Variants in NTN4 observed in about 807,000 individuals in gnomAD.
NTN4 encodes the protein netrin 4.
Under a neutral mutation model 73.6 loss-of-function variants are expected in NTN4, and 32 were observed. That is an observed-to-expected ratio of 0.44 (90% CI 0.33 to 0.58). The LOEUF (loss-of-function observed/expected upper bound fraction) is 0.58. Ranked by LOEUF, NTN4 falls within the 20% of genes least tolerant of loss-of-function variation. NTN4 has a pLI of 0.04. For synonymous variants in NTN4, 258 were observed against 287.5 expected (o/e 0.90, Z 1.04); for missense variants, 654 against 798.3 (o/e 0.82, Z 2.18).
chr12:95,747,523 C>G (rs1423750802), intron 2 of NTN4, among the ~76,000 whole-genome samples: 2 of 152,110 alleles, frequency 1.3e-5, no homozygotes, highest in Non-Finnish European at 2.9e-5. Flanking sequence ...AGGTTGGTCT[C>G]AAACTCCTGG....
rs201896762 is a variant in NTN4 at position 95,665,866 on chromosome 12, G to A, written c.1694C>T (p.Thr565Ile). The A allele has an allele frequency of 3.7e-6, 6 of 1,613,976 alleles. 1 individual carries two copies. In the East Asian group the frequency reaches 8.9e-5, roughly 24 times the overall value. Residue 565 changes from threonine to isoleucine, a missense_variant, in exon 9 of 10, where the codon ACA (threonine) becomes ATA (isoleucine). Thr to Ile is a moderately conservative substitution (Grantham distance 89, BLOSUM62 -1). Coordinates refer to ENST00000343702, the MANE Select transcript of NTN4 (RefSeq NM_021229.4). ...GTCCGTCCATGATTCTGGATATAAT[G>A]TTCGCTTTCCTCGGAAAATCTTCAG... Reference protein sequence around the residue: ...TKLKIFRGKRTLYPESWTDRG... With the variant: ...TKLKIFRGKRILYPESWTDRG...
intron 2 of NTN4, among the ~76,000 whole-genome samples, chr12:95,786,250 G>C (rs988688983): frequency 6.6e-6 from 1 of 152,128 alleles, no homozygotes; most frequent in African/African-American, 2.4e-5. Flanking sequence ...GTTGGGGGGA[G>C]CCTTTCAAGG....
In NTN4 at chr12:95,670,139, G is replaced by A. The variant is rs750900283; in HGVS notation, c.1518C>T (p.Cys506=). 7.0e-5 allele frequency: 111 copies of A among 1,577,812 alleles called. No homozygotes were observed. The highest frequency in any genetic ancestry group is 8.5e-5 in the Non-Finnish European group (98 of 1,156,014). Residue 506 remains cysteine, a synonymous_variant, in exon 8 of 10, where the codon TGC becomes TGT. Coordinates refer to ENST00000343702, the MANE Select transcript of NTN4 (RefSeq NM_021229.4). ...TTCCTAATGTCTGTTCCTTACATTC[G>A]CATTTACCTATGGAAAGTAAATTAA... is the stretch of plus-strand genomic sequence containing the variant. The part of the protein sequence containing the change: ...GFSALLHSGK[C]ECKEQTLGNA...
chr12:95,706,237 C>A (rs1381578605), intron 5 of NTN4, among the ~76,000 whole-genome samples: 1 of 151,984 alleles, frequency 6.6e-6, no homozygotes, highest in East Asian at 1.9e-4. Flanking sequence ...GGGCTGGTGA[C>A]CTTTTTACAT....
chr12:95,674,736 A>T (rs1220146741), intron 7 of NTN4, among the ~76,000 whole-genome samples: 1 of 152,236 alleles, frequency 6.6e-6, no homozygotes, highest in African/African-American at 2.4e-5. Context: ...TTGTTGAAAA[A>T]GGTGCTCAGA....
chr12:95,688,410 G>A, intron 5 of NTN4, among the ~76,000 whole-genome samples: 1 of 152,132 alleles, frequency 6.6e-6, no homozygotes, highest in East Asian at 1.9e-4. Flanking sequence ...TATTCACAAA[G>A]ATCTAGAAGA....
chr12:95,780,142 C>A (rs6538674), intron 2 of NTN4, among the ~76,000 whole-genome samples: 122,121 of 151,664 alleles, frequency 0.81, 49,597 homozygotes, highest in South Asian at 0.89. Context: ...CTTATACAAA[C>A]ATTAATTCAA....
intron 2 of NTN4, among the ~76,000 whole-genome samples, chr12:95,776,543 C>G (rs1401679382): frequency 6.6e-6 from 1 of 152,078 alleles, no homozygotes; most frequent in Admixed American, 6.5e-5. Context: ...ATTCGATCAA[C>G]TGGAAGAAAG....
chr12:95,683,056 G>GGTTTTGTTTT (rs59041521), intron 6 of NTN4, among the ~76,000 whole-genome samples: 71 of 151,152 alleles, frequency 4.7e-4, no homozygotes, highest in African/African-American at 1.1e-3. Flanking sequence ...AAAAATTATT[G>GGTTTTGTTTT]GTTTTGTTTT....
At chr12:95,768,055 C>G (rs555368165) in intron 2 of NTN4, among the ~76,000 whole-genome samples, 19 of 152,308 alleles carry the variant, frequency 1.2e-4, no homozygotes, top group Middle Eastern at 6.8e-3. Flanking sequence ...CGAAGCAATA[C>G]AAAGTTGTTG....
At chr12:95,670,981 T>C (rs990041935) in intron 7 of NTN4, 1 of 151,940 alleles carries the variant, frequency 6.6e-6, no homozygotes, top group African/African-American at 2.4e-5. Context: ...TGTATGTATG[T>C]ATGTATGTAT....
chr12:95,778,196 A>T (rs1359618887), intron 2 of NTN4, among the ~76,000 whole-genome samples: 1 of 152,366 alleles, frequency 6.6e-6, no homozygotes, highest in Non-Finnish European at 1.5e-5. Flanking sequence ...CTAAATGCCC[A>T]CAAAAGAAAG....
intron 2 of NTN4, among the ~76,000 whole-genome samples, chr12:95,746,338 C>T (rs547929743): frequency 1.3e-5 from 2 of 152,180 alleles, no homozygotes; most frequent in Admixed American, 6.5e-5. Context: ...ACCATTTATC[C>T]GTTTAACTTT....
chr12:95,764,667 C>A lies in NTN4; in HGVS notation c.585+22272G>T, dbSNP rs372937022. Among the ~76,000 whole-genome samples, 125 of 143,418 alleles carry A rather than the reference C, an allele frequency of 8.7e-4. 1 individual carries two copies. The highest frequency in any genetic ancestry group is 3.0e-3 in the African/African-American group (116 of 38,766). The allele number at this position is 143,418 out of a possible 152,430, so 94.1% of individuals were successfully genotyped here. On this transcript the variant is annotated intron_variant, in intron 2 of 9. Coordinates refer to ENST00000343702, the MANE Select transcript of NTN4 (RefSeq NM_021229.4). ...GTGAGAAAGCGAGACTCCATCCCCCCGCCCCGACCAAAAAAAAAAAAAAAA... is the reference window on the plus strand; with the variant it reads ...GTGAGAAAGCGAGACTCCATCCCCCAGCCCCGACCAAAAAAAAAAAAAAAA...
chr12:95,775,453 G>A (rs1308048329), intron 2 of NTN4, among the ~76,000 whole-genome samples: 1 of 152,228 alleles, frequency 6.6e-6, no homozygotes, highest in Non-Finnish European at 1.5e-5. Context: ...TGTGACAGAT[G>A]GCACCTGGAA....
chr12:95,755,874 G>T (rs1214799659), intron 2 of NTN4, among the ~76,000 whole-genome samples: 3 of 152,208 alleles, frequency 2.0e-5, no homozygotes, highest in African/African-American at 7.2e-5. Flanking sequence ...AAACCAAATT[G>T]AAAATAAAGA....
At chr12:95,665,688 A>C (rs551772135) in intron 9 of NTN4, 122 bp downstream of exon 9, 54 of 664,278 alleles carry the variant, frequency 8.1e-5, no homozygotes, top group African/African-American at 7.5e-4. Flanking sequence ...CGCAGGAGTC[A>C]GATGGTGAAA....
At chr12:95,666,091 A>G (rs1366914313) in intron 8 of NTN4, 111 bp from the exon 9 acceptor site, 1 of 834,232 alleles carries the variant, frequency 1.2e-6, no homozygotes, top group Non-Finnish European at 1.8e-6. Flanking sequence ...GATGATGAGG[A>G]TGTGAAAATT....
intron 2 of NTN4, among the ~76,000 whole-genome samples, chr12:95,771,794 T>C (rs2079060897): frequency 6.6e-6 from 1 of 152,138 alleles, no homozygotes; most frequent in Non-Finnish European, 1.5e-5. Flanking sequence ...CCTCCTTCAA[T>C]ATAGCATGCC....
Sources: gnomAD v4.1 joint callset for allele counts (sites outside exome capture counted in the v4.1 genomes callset) on GRCh38, gnomAD v4.1.1 for gene constraint, MANE v1.5 for transcripts, NCBI Gene and HGNC (gene_info 2026-07-23, HGNC 2026-07-21) for gene names.